The following ZYG11B variants were observed in gnomAD, a reference collection of about 807,000 sequenced individuals.
ZYG11B encodes the protein zyg-11 family member B, cell cycle regulator.
In ZYG11B, 36 loss-of-function variants were observed where a neutral mutation model predicts 82.4. The observed-to-expected ratio is 0.44, with a 90% CI of 0.33 to 0.58. The LOEUF (loss-of-function observed/expected upper bound fraction) is 0.58, where lower values mean the gene tolerates loss of function less well. ZYG11B is among the 20% of genes least tolerant of loss of function. ZYG11B has a pLI of 0.02. For synonymous variants in ZYG11B, 303 were observed against 312.8 expected (o/e 0.97, Z 0.33); for missense variants, 552 against 895.6 (o/e 0.62, Z 4.90).
rs1204048690 is a variant in ZYG11B at position 52,804,171 on chromosome 1, G to GTA, written c.1695+2032_1695+2033insTA. ...CAGGCAGGAGGATCACTTGACCCTA[G>GTA]GAGTTTGAGGGCTGCAGTGAGCTGT... is the stretch of plus-strand genomic sequence containing the variant. On this transcript the variant is annotated intron_variant, in intron 10 of 13. Coordinates refer to ENST00000294353, the MANE Select transcript of ZYG11B (RefSeq NM_024646.3). Among the ~76,000 whole-genome samples the GTA allele has an allele frequency of 4.6e-5, 7 of 152,234 alleles. No individual in the cohort carries two copies. In the East Asian group the frequency reaches 1.2e-3, roughly 25 times the overall value.
At chr1:52,793,186 C>T (rs931199640) in intron 6 of ZYG11B, among the ~76,000 whole-genome samples, 1 of 151,930 alleles carries the variant, frequency 6.6e-6, no homozygotes, top group Non-Finnish European at 1.5e-5. Context: ...TGTTGAAGTT[C>T]AGCGAGGTTA....
chr1:52,793,969 A>C lies in ZYG11B; in HGVS notation c.1335-2323A>C, dbSNP rs190367721. Among the ~76,000 whole-genome samples, 35 of 95,538 alleles carry C rather than the reference A, an allele frequency of 3.7e-4. 1 individual carries two copies. Among genetic ancestry groups the C allele is most frequent in the African/African-American group, 1.1e-3 (29 of 26,270 alleles). 62.7% of individuals were successfully genotyped at this position (95,538 alleles called of 152,430 possible). ...CTTTCCCTTCCTTTCCTTTCCTTTCATTTCTTCTTTCTTCTTCGTTTTTTG... is the reference window on the plus strand; with the variant it reads ...CTTTCCCTTCCTTTCCTTTCCTTTCCTTTCTTCTTTCTTCTTCGTTTTTTG... On this transcript the variant is annotated intron_variant, in intron 6 of 13. Transcript: ENST00000294353.
rs969354267 is a variant in ZYG11B at position 52,813,426 on chromosome 1, C to T, written c.1696-110C>T. On this transcript the variant is annotated intron_variant, in intron 10 of 13. Coordinates refer to ENST00000294353, the MANE Select transcript of ZYG11B (RefSeq NM_024646.3). ...TTGAATACTTTCTCTCAGGGAAATA[C>T]TTTTCTTTCACCTTCCTGAATTGCC... The T allele has an allele frequency of 1.6e-5, 13 of 819,554 alleles. No homozygotes were observed. In the Middle Eastern group the frequency reaches 1.1e-3, roughly 70 times the overall value. The allele number at this position is 819,554 out of a possible 1,614,324, so 50.8% of individuals were successfully genotyped here. A position where few individuals can be genotyped will look rare whatever the true frequency, so the allele number is the denominator to read the frequency against.
At chr1:52,819,179 G>T (rs1282377679) in intron 13 of ZYG11B, among the ~76,000 whole-genome samples, 1 of 152,146 alleles carries the variant, frequency 6.6e-6, no homozygotes, top group Non-Finnish European at 1.5e-5. Flanking sequence ...CAATGAATGG[G>T]ATGTGACCGA....
chr1:52,826,469 C>T lies in ZYG11B; in HGVS notation c.*4840C>T, dbSNP rs992768930. On this transcript the variant is annotated 3_prime_UTR_variant, in exon 14 of 14. Coordinates refer to ENST00000294353, the MANE Select transcript of ZYG11B (RefSeq NM_024646.3). ...CCGTATGATAAGAGAATTTGCTCATCGTGCTTTAAATGATTAACTGTTTTA... is the reference window on the plus strand; with the variant it reads ...CCGTATGATAAGAGAATTTGCTCATTGTGCTTTAAATGATTAACTGTTTTA... The T allele has an allele frequency of 1.3e-4, 20 of 152,300 alleles. No individual in the cohort carries two copies. The highest frequency in any genetic ancestry group is 4.1e-4 in the African/African-American group (17 of 41,562). The allele number at this position is 152,300 out of a possible 1,614,324, so 9.4% of individuals were successfully genotyped here. A position where few individuals can be genotyped will look rare whatever the true frequency, so the allele number is the denominator to read the frequency against.
At chr1:52,761,024 A>G (rs1644626096) in intron 2 of ZYG11B, among the ~76,000 whole-genome samples, 1 of 152,108 alleles carries the variant, frequency 6.6e-6, no homozygotes, top group South Asian at 2.1e-4. Flanking sequence ...TGGTCTCCCA[A>G]AGTGCTGGGA....
In ZYG11B at chr1:52,780,888, C is replaced by T. The variant is rs545427717; in HGVS notation, c.1092+895C>T. Among the ~76,000 whole-genome samples the T allele has an allele frequency of 2.6e-5, 4 of 152,290 alleles. 1 individual carries two copies. The South Asian group carries it at 8.3e-4, about 32-fold the overall frequency. On this transcript the variant is annotated intron_variant, in intron 4 of 13. Coordinates refer to ENST00000294353, the MANE Select transcript of ZYG11B (RefSeq NM_024646.3). ...TGGGCCAGGACGCAGTGGCTCACACCTGTAATAACTTTGGGAGGCTGAGGC... is the reference window on the plus strand; with the variant it reads ...TGGGCCAGGACGCAGTGGCTCACACTTGTAATAACTTTGGGAGGCTGAGGC...
At chr1:52,797,412 C>A (rs571393846) in intron 8 of ZYG11B, among the ~76,000 whole-genome samples, 703 of 56,166 alleles carry the variant, frequency 0.013, 14 homozygotes, top group African/African-American at 0.053. Flanking sequence ...AAATATATAT[C>A]ATATATTATA....
intron 1 of ZYG11B, among the ~76,000 whole-genome samples, chr1:52,730,446 C>T (rs1216027777): frequency 6.6e-6 from 1 of 152,160 alleles, no homozygotes; most frequent in Non-Finnish European, 1.5e-5. Context: ...TCCAGCTCAG[C>T]CTCCCAAGTA....
chr1:52,816,695 A>G, intron 13 of ZYG11B, 66 bp downstream of exon 13: 1 of 1,216,064 alleles, frequency 8.2e-7, no homozygotes. Context: ...CCCAGGAAAG[A>G]TATTTCTAAA....
At chr1:52,803,203 TACAC>T (rs1186109870) in intron 10 of ZYG11B, among the ~76,000 whole-genome samples, 7,306 of 82,676 alleles carry the variant, frequency 0.088, 831 homozygotes, top group East Asian at 0.31. Context: ...TATATATATA[TACAC>T]ACACATATAT....
chr1:52,783,860 G>GTACATACACGTGTGTGTA (rs1644882361), intron 4 of ZYG11B, among the ~76,000 whole-genome samples: 1 of 142,462 alleles, frequency 7.0e-6, no homozygotes, highest in Non-Finnish European at 1.5e-5. Flanking sequence ...ACGTGTGTGT[G>GTACATACACGTGTGTGTA]TATGTACATA....
chr1:52,758,335 C>A (rs371184566), intron 2 of ZYG11B, among the ~76,000 whole-genome samples: 154 of 152,114 alleles, frequency 1.0e-3, no homozygotes, highest in Middle Eastern at 6.8e-3. Context: ...TATTGAATGC[C>A]TATGTGCCAG....
intron 8 of ZYG11B, among the ~76,000 whole-genome samples, chr1:52,799,571 C>T (rs560492070): frequency 4.6e-5 from 7 of 150,932 alleles, no homozygotes; most frequent in South Asian, 4.2e-4. Context: ...GGGCGGATCA[C>T]GAGGTCAGGA....
At position 52,726,480 on chromosome 1, in the gene ZYG11B, G is replaced by C; in HGVS notation, c.-174G>C. 1.9e-6 allele frequency: 1 copy of C among 539,672 alleles called. No homozygotes were observed. Among genetic ancestry groups the C allele is most frequent in the Non-Finnish European group, 2.8e-6 (1 of 354,960 alleles). The allele number at this position is 539,672 out of a possible 1,614,324, so 33.4% of individuals were successfully genotyped here. A position where few individuals can be genotyped will look rare whatever the true frequency, so the allele number is the denominator to read the frequency against. ...AGTCTGCGCTCTGGTTCGGGCTGCG[G>C]CTGCGGCTGCGGCTGCGGCTGCTAC... On this transcript the variant is annotated 5_prime_UTR_variant, in exon 1 of 14. Coordinates refer to ENST00000294353, the MANE Select transcript of ZYG11B (RefSeq NM_024646.3).
chr1:52,786,781 AAAAC>A (rs140939419), intron 5 of ZYG11B, among the ~76,000 whole-genome samples: 11 of 151,984 alleles, frequency 7.2e-5, no homozygotes, highest in East Asian at 3.9e-4. Flanking sequence ...ACCTTGTCTC[AAAAC>A]AAACAAACAA....
At chr1:52,729,813 G>GTTCTT (rs1553256875) in intron 1 of ZYG11B, among the ~76,000 whole-genome samples, 1 of 151,950 alleles carries the variant, frequency 6.6e-6, no homozygotes, top group African/African-American at 2.4e-5. Flanking sequence ...AGAGGTGGCA[G>GTTCTT]TTCTTTTTTT....
chr1:52,796,245 G>A, intron 6 of ZYG11B, 47 bp from the exon 7 acceptor site: 1 of 1,439,392 alleles, frequency 6.9e-7, no homozygotes, highest in Admixed American at 1.7e-5. Flanking sequence ...CTGAAATTGT[G>A]CCTGGGCCTC....
At chr1:52,747,074 G>A (rs1302532491) in intron 1 of ZYG11B, among the ~76,000 whole-genome samples, 1 of 151,480 alleles carries the variant, frequency 6.6e-6, no homozygotes, top group East Asian at 1.9e-4. Context: ...TATACAAAAT[G>A]GTATCTAGTA....
Sources: gnomAD v4.1 joint callset for allele counts (sites outside exome capture counted in the v4.1 genomes callset) on GRCh38, gnomAD v4.1.1 for gene constraint, MANE v1.5 for transcripts, NCBI Gene and HGNC (gene_info 2026-07-23, HGNC 2026-07-21) for gene names.